Variants in RBFOX1 observed in about 807,000 individuals in gnomAD.
The protein encoded by RBFOX1 is RNA binding fox-1 homolog 1, also known as RNA binding protein fox-1 homolog 1.
In RBFOX1, 8 loss-of-function variants were observed where a neutral mutation model predicts 57.7. That is an observed-to-expected ratio of 0.14 (90% confidence interval 0.08 to 0.25). The LOEUF is 0.25. Ranked by LOEUF, RBFOX1 falls within the 10% of genes least tolerant of loss-of-function variation. The pLI, the probability that RBFOX1 is intolerant of heterozygous loss-of-function variation, is 1.00. For missense variants in RBFOX1, 611 were observed against 548.5 expected, an observed-to-expected ratio of 1.11 and a Z score of -1.14; for synonymous variants, 326 against 222.4, an observed-to-expected ratio of 1.47 and a Z score of -4.15.
At chr16:6,798,225 A>G (rs1166313624) in intron 3 of RBFOX1, among the ~76,000 whole-genome samples, 2 of 152,154 alleles carry the variant, frequency 1.3e-5, no homozygotes, top group Non-Finnish European at 2.9e-5. Context: ...CCTAAGAATC[A>G]CTGGGGATAC....
intron 5 of RBFOX1, among the ~76,000 whole-genome samples, chr16:7,541,961 G>A (rs2083071119): frequency 6.6e-6 from 1 of 152,230 alleles, no homozygotes; most frequent in Non-Finnish European, 1.5e-5. Context: ...AAGGTGCAGT[G>A]CTTCAGCTTG....
In RBFOX1 at chr16:7,268,977, C is replaced by G. The variant is rs144052957; in HGVS notation, c.27+216879C>G. Among the ~76,000 whole-genome samples the G allele has an allele frequency of 5.2e-5, 7 of 134,840 alleles. No individual in the cohort carries two copies. The East Asian group carries it at 1.5e-3, about 29-fold the overall frequency. 88.5% of individuals were successfully genotyped at this position (134,840 alleles called of 152,430 possible). A position where few individuals can be genotyped will look rare whatever the true frequency, so the allele number is the denominator to read the frequency against. On this transcript the variant is annotated intron_variant, in intron 4 of 15. Transcript: ENST00000550418. Reference sequence around the variant, plus strand: ...GCTTGAACCCTGAAGGCAGAGTTTGCAGTGAGCCGAGATCACGCCAGTGCA... The same window carrying G: ...GCTTGAACCCTGAAGGCAGAGTTTGGAGTGAGCCGAGATCACGCCAGTGCA...
At chr16:5,249,759 G>C (rs2062399309) in intron 1 of RBFOX1, among the ~76,000 whole-genome samples, 1 of 152,214 alleles carries the variant, frequency 6.6e-6, no homozygotes, top group Non-Finnish European at 1.5e-5. Flanking sequence ...AGGAATTCGA[G>C]ACCAGCTTGG....
intron 3 of RBFOX1, among the ~76,000 whole-genome samples, chr16:6,827,121 C>G (rs2092252239): frequency 6.6e-6 from 1 of 152,012 alleles, no homozygotes. Context: ...TAATCTAACA[C>G]CAGTGAATAT....
At chr16:6,032,057 T>A (rs2095298500) in intron 1 of RBFOX1, among the ~76,000 whole-genome samples, 1 of 152,150 alleles carries the variant, frequency 6.6e-6, no homozygotes, top group South Asian at 2.1e-4. Context: ...TTTTGGAGTG[T>A]GTTTTCAAGG....
At chr16:6,997,137 T>C (rs1249120659) in intron 3 of RBFOX1, among the ~76,000 whole-genome samples, 1 of 152,138 alleles carries the variant, frequency 6.6e-6, no homozygotes, top group African/African-American at 2.4e-5. Flanking sequence ...CAACTCTCAA[T>C]AGTTGTCTTT....
chr16:5,349,501 A>G lies in RBFOX1; in HGVS notation c.219+109396A>G, dbSNP rs145427038. On this transcript the variant is annotated intron_variant, in intron 1 of 2. Transcript: ENST00000585867. ...CCAGCCTGGCCAACATGGCGATCCT[A>G]TCTCTACTAAAAATACAAAAAATTA... Among the ~76,000 whole-genome samples, 1,208 of 152,100 alleles carry G rather than the reference A, an allele frequency of 7.9e-3. 18 individuals are homozygous for G. The highest frequency in any genetic ancestry group is 0.028 in the African/African-American group (1,144 of 41,470).
intron 4 of RBFOX1, among the ~76,000 whole-genome samples, chr16:7,255,902 T>G (rs1054301356): frequency 1.3e-5 from 2 of 152,186 alleles, no homozygotes; most frequent in Non-Finnish European, 2.9e-5. Flanking sequence ...TCCGTTACCT[T>G]ATTGGATAGC....
intron 2 of RBFOX1, among the ~76,000 whole-genome samples, chr16:6,445,548 T>G (rs2094466651): frequency 6.7e-6 from 1 of 148,484 alleles, no homozygotes; most frequent in African/African-American, 2.5e-5. Context: ...TTATTAACCT[T>G]GCCTCTGAAC....
chr16:5,695,506 A>T (rs894810062), intron 3 of RBFOX1, among the ~76,000 whole-genome samples: 1 of 152,208 alleles, frequency 6.6e-6, no homozygotes, highest in African/African-American at 2.4e-5. Context: ...TGAAAGGTGG[A>T]TGGGGAATTT....
intron 4 of RBFOX1, among the ~76,000 whole-genome samples, chr16:7,198,633 C>T (rs1410954824): frequency 6.6e-6 from 1 of 152,136 alleles, no homozygotes; most frequent in African/African-American, 2.4e-5. Flanking sequence ...TTTCCTGCTC[C>T]TCCATCACAT....
intron 2 of RBFOX1, among the ~76,000 whole-genome samples, chr16:6,437,462 C>T (rs1384485480): frequency 6.6e-6 from 1 of 152,086 alleles, no homozygotes; most frequent in Admixed American, 6.6e-5. Context: ...CCTAATTTGA[C>T]AATTAAATGT....
rs117849190 is a variant in RBFOX1, at chr16:6,219,601, G to A, written c.-126-97394G>A. On this transcript the variant is annotated intron_variant, in intron 1 of 15. Coordinates refer to ENST00000550418, the MANE Select transcript of RBFOX1 (RefSeq NM_018723.4). ...TCTGTAAAATGAGAATAGGCTGAGC[G>A]TGGTGGCTCATGCTTGTAATCCCAG... Among the ~76,000 whole-genome samples the A allele has an allele frequency of 1.2e-3, 189 of 152,208 alleles. 2 individuals are homozygous for A. In the East Asian group the frequency reaches 0.026, roughly 21 times the overall value.
intron 4 of RBFOX1, among the ~76,000 whole-genome samples, chr16:7,166,150 A>C (rs1055709279): frequency 6.6e-6 from 1 of 151,946 alleles, no homozygotes; most frequent in Non-Finnish European, 1.5e-5. Flanking sequence ...AGTAGATGGG[A>C]TTACAGGTGC....
At chr16:7,332,800 T>C in intron 4 of RBFOX1, 1 of 1,402,172 alleles carries the variant, frequency 7.1e-7, no homozygotes, top group Non-Finnish European at 9.3e-7. Context: ...CTCTTCGTCG[T>C]CTGGGAAGAA....
intron 3 of RBFOX1, among the ~76,000 whole-genome samples, chr16:7,015,376 A>T (rs1242739024): frequency 6.6e-6 from 1 of 152,166 alleles, no homozygotes; most frequent in Non-Finnish European, 1.5e-5. Context: ...GAACCACCTC[A>T]GAGTTGGCAA....
chr16:6,855,448 G>A (rs573234329), intron 3 of RBFOX1, among the ~76,000 whole-genome samples: 8 of 151,866 alleles, frequency 5.3e-5, no homozygotes, highest in African/African-American at 1.9e-4. Context: ...TCAGGAGATC[G>A]AGACCATCCT....
intron 2 of RBFOX1, among the ~76,000 whole-genome samples, chr16:5,563,511 A>C (rs1871133316): frequency 6.6e-6 from 1 of 152,188 alleles, no homozygotes; most frequent in African/African-American, 2.4e-5. Flanking sequence ...AATATAAACC[A>C]TCTGGTAGTT....
intron 4 of RBFOX1, among the ~76,000 whole-genome samples, chr16:5,892,950 C>G (rs948760371): frequency 6.6e-6 from 1 of 152,126 alleles, no homozygotes; most frequent in African/African-American, 2.4e-5. Context: ...GGCCTTCTCC[C>G]AATGTTCAAC....
Sources: gnomAD v4.1 joint callset for allele counts (sites outside exome capture counted in the v4.1 genomes callset) on GRCh38, gnomAD v4.1.1 for gene constraint, MANE v1.5 for transcripts, NCBI Gene and HGNC (gene_info 2026-07-23, HGNC 2026-07-21) for gene names.